Variants in UFD1 observed in about 807,000 individuals in gnomAD.
UFD1 encodes ubiquitin recognition factor in ER-associated degradation protein 1.
UFD1 carries 13 observed loss-of-function variants against 45.9 expected under a neutral mutation model. The ratio of observed to expected loss-of-function variants is 0.28; its 90% CI spans 0.18 to 0.45. The LOEUF (loss-of-function observed/expected upper bound fraction) is 0.45, where lower values mean the gene tolerates loss of function less well. UFD1 is among the 20% of genes least tolerant of loss of function. The probability of loss-of-function intolerance (pLI) is 1.00; values close to 1 mark genes in which losing one functional copy is unlikely to be tolerated. For missense variants in UFD1, 218 were observed against 389.2 expected, an observed-to-expected ratio of 0.56 and a Z score of 3.70; for synonymous variants, 128 against 139.2, an observed-to-expected ratio of 0.92 and a Z score of 0.56.
At chr22:19,451,528 C>T (rs1396137148) in intron 11 of UFD1, 1 of 985,238 alleles carries the variant, frequency 1.0e-6, no homozygotes, top group Non-Finnish European at 1.2e-6. Context: ...TTGAAAACTG[C>T]ACATATTTTT....
At chr22:19,472,566 T>G (rs2089854130) in intron 3 of UFD1, among the ~76,000 whole-genome samples, 1 of 151,578 alleles carries the variant, frequency 6.6e-6, no homozygotes, top group Non-Finnish European at 1.5e-5. Context: ...ACCCAAGAGG[T>G]GCACAGGCAC....
At chr22:19,471,945 T>A in intron 3 of UFD1, 137 bp from the exon 4 acceptor site, 1 of 1,257,396 alleles carries the variant, frequency 8.0e-7, no homozygotes, top group African/African-American at 1.5e-5. Flanking sequence ...TCCCCCTCTG[T>A]GAGAGCACAG....
In UFD1 at chr22:19,455,834, A is replaced by G. The variant is rs190782027; in HGVS notation, c.679-66T>C. 7.2e-4 allele frequency: 1,052 copies of G among 1,457,832 alleles called. 6 individuals carry two copies. The African/African-American group carries it at 0.013, about 18-fold the overall frequency. 90.3% of individuals were successfully genotyped at this position (1,457,832 alleles called of 1,614,324 possible). A position where few individuals can be genotyped will look rare whatever the true frequency, so the allele number is the denominator to read the frequency against. On this transcript the variant is annotated intron_variant, in intron 9 of 11. Transcript: ENST00000263202. Reference sequence around the variant, plus strand: ...TGAGGACGATATGTCCTTTGCTTGGAGATCACTGCAGGGATGTGAGCTGGG... The same window carrying G: ...TGAGGACGATATGTCCTTTGCTTGGGGATCACTGCAGGGATGTGAGCTGGG...
At chr22:19,470,474 C>T (rs532530212) in intron 4 of UFD1, among the ~76,000 whole-genome samples, 6 of 151,720 alleles carry the variant, frequency 4.0e-5, no homozygotes, top group Admixed American at 3.9e-4. Context: ...TGGAGTCTCG[C>T]TCTGTCGCCC....
At chr22:19,455,189 G>C (rs2089713625) in intron 10 of UFD1, among the ~76,000 whole-genome samples, 1 of 152,096 alleles carries the variant, frequency 6.6e-6, no homozygotes, top group Non-Finnish European at 1.5e-5. Context: ...ACACACCTCA[G>C]CCCTGCCCCT....
intron 3 of UFD1, 85 bp from the exon 4 acceptor site, chr22:19,471,893 C>A: frequency 6.5e-7 from 1 of 1,539,452 alleles, no homozygotes; most frequent in Non-Finnish European, 8.8e-7. Flanking sequence ...AGGAGCCTCC[C>A]CACAATCCTG....
At chr22:19,473,214 G>A (rs1049358379) in intron 3 of UFD1, among the ~76,000 whole-genome samples, 2 of 152,186 alleles carry the variant, frequency 1.3e-5, no homozygotes, top group Admixed American at 6.5e-5. Context: ...TGAGATTGTT[G>A]CAAGTGAAAG....
chr22:19,467,713 G>T, intron 5 of UFD1, 160 bp downstream of exon 5: 1 of 1,321,232 alleles, frequency 7.6e-7, no homozygotes. Context: ...CCAGGGCCAC[G>T]CAGATGTGCT....
chr22:19,452,014 C>G (rs1281754603), intron 11 of UFD1: 2 of 873,952 alleles, frequency 2.3e-6, no homozygotes, highest in East Asian at 2.4e-4. Context: ...AGAAAAGATG[C>G]ATGAGGATTA....
At chr22:19,460,513 G>T (rs890967989) in intron 6 of UFD1, among the ~76,000 whole-genome samples, 3 of 151,878 alleles carry the variant, frequency 2.0e-5, no homozygotes, top group Non-Finnish European at 2.9e-5. Context: ...CAATTTTCTA[G>T]GTTGGTGCTC....
intron 1 of UFD1, 69 bp downstream of exon 1, chr22:19,479,014 G>T: frequency 4.2e-5 from 59 of 1,418,664 alleles, no homozygotes; most frequent in Non-Finnish European, 5.4e-5. Context: ...GCCCCGCCCT[G>T]CCCCGCCGGG....
chr22:19,451,570 G>T, intron 11 of UFD1: 1 of 985,302 alleles, frequency 1.0e-6, no homozygotes, highest in Non-Finnish European at 1.2e-6. Flanking sequence ...GTCAGTCTGA[G>T]GCATTATCTC....
chr22:19,462,069 T>C (rs1254695109), intron 6 of UFD1, among the ~76,000 whole-genome samples: 1 of 152,144 alleles, frequency 6.6e-6, no homozygotes, highest in Non-Finnish European at 1.5e-5. Context: ...GCACGGTCAC[T>C]GTTCACTGCA....
In UFD1 at chr22:19,450,756, G is replaced by A. The variant is rs2089674567; in HGVS notation, c.850-12C>T. On this transcript the variant is annotated splice_polypyrimidine_tract_variant and intron_variant, in intron 11 of 11. Coordinates refer to ENST00000263202, the MANE Select transcript of UFD1 (RefSeq NM_005659.7). The stretch of plus-strand genomic sequence containing the variant: ...CCTCCAGCTTCATCCTAGGTTTGAA[G>A]AGAAGATACTATTTTCAGAAACTCC... 1 of 1,614,014 alleles carries A rather than the reference G, an allele frequency of 6.2e-7. No individual in the cohort carries two copies. The highest frequency in any genetic ancestry group is 1.7e-5 in the Admixed American group (1 of 59,996).
intron 11 of UFD1, chr22:19,454,411 G>A: frequency 2.6e-6 from 2 of 777,286 alleles, no homozygotes; most frequent in Non-Finnish European, 3.2e-6. Flanking sequence ...ATGAGGGCGG[G>A]TCTTTTCCGT....
At chr22:19,462,485 G>T (rs1012328685) in intron 6 of UFD1, among the ~76,000 whole-genome samples, 1 of 152,030 alleles carries the variant, frequency 6.6e-6, no homozygotes, top group Non-Finnish European at 1.5e-5. Context: ...GGCCAACATG[G>T]TGAAACCTCG....
intron 7 of UFD1, 123 bp downstream of exon 7, chr22:19,457,948 C>T: frequency 2.1e-6 from 2 of 948,738 alleles, no homozygotes; most frequent in South Asian, 1.4e-5. Context: ...ACAGCATCTT[C>T]CTCCTCTTTA....
chr22:19,463,297 G>A lies in UFD1; in HGVS notation c.495+1905C>T, dbSNP rs149153777. 3.1e-3 allele frequency among the ~76,000 whole-genome samples: 471 copies of A among 152,156 alleles called. 2 individuals carry two copies. Among genetic ancestry groups the A allele is most frequent in the Non-Finnish European group, 5.0e-3 (338 of 67,980 alleles). On this transcript the variant is annotated intron_variant, in intron 6 of 11. Transcript: ENST00000263202. Reference sequence around the variant, plus strand: ...TGTGTGAAATTCTGTTATTTCTTCAGATTCATCTTTCATTAACTCTTTTAT... The same window carrying A: ...TGTGTGAAATTCTGTTATTTCTTCAAATTCATCTTTCATTAACTCTTTTAT...
chr22:19,475,760 G>A (rs1363199249), intron 1 of UFD1, among the ~76,000 whole-genome samples, 158 bp from the exon 2 acceptor site: 2 of 152,066 alleles, frequency 1.3e-5, no homozygotes, highest in African/African-American at 4.8e-5. Flanking sequence ...AACAGGCCAT[G>A]CCAAGCCTGT....
Sources: gnomAD v4.1 joint callset for allele counts (sites outside exome capture counted in the v4.1 genomes callset) on GRCh38, gnomAD v4.1.1 for gene constraint, MANE v1.5 for transcripts, NCBI Gene and HGNC (gene_info 2026-07-23, HGNC 2026-07-21) for gene names.